UGCG: variants seen among roughly 807,000 people sequenced by gnomAD.
The protein encoded by UGCG is UDP-glucose ceramide glucosyltransferase, also known as ceramide glucosyltransferase.
Under a neutral mutation model 49.5 loss-of-function variants are expected in UGCG, and 10 were observed. The observed-to-expected ratio is 0.20, with a 90% confidence interval of 0.12 to 0.34. UGCG has a LOEUF of 0.34. Ranked by LOEUF, UGCG falls within the 10% of genes least tolerant of loss-of-function variation. UGCG has a pLI of 1.00. For missense variants in UGCG, 312 were observed against 483.7 expected (o/e 0.65, Z 3.33); for synonymous variants, 182 against 158.2 (o/e 1.15, Z -1.13).
At chr9:111,914,149 A>G (rs561046719) in intron 1 of UGCG, among the ~76,000 whole-genome samples, 48 of 152,304 alleles carry the variant, frequency 3.2e-4, no homozygotes, top group African/African-American at 1.1e-3. Flanking sequence ...TTTAAGAGGA[A>G]GAGGAGTTAA....
chr9:111,911,624 G>A (rs532858879), intron 1 of UGCG, among the ~76,000 whole-genome samples: 36 of 151,918 alleles, frequency 2.4e-4, no homozygotes, highest in South Asian at 8.3e-4. Context: ...GGGGCTGAAC[G>A]TGGTGGCTCA....
intron 8 of UGCG, 106 bp downstream of exon 8, chr9:111,932,465 C>A: frequency 8.4e-7 from 1 of 1,194,510 alleles, no homozygotes; most frequent in East Asian, 2.5e-5. Context: ...TTCAGCTTCC[C>A]ATTGTAGGTT....
intron 4 of UGCG, 97 bp downstream of exon 4, chr9:111,924,975 C>G (rs1252474190): frequency 2.6e-5 from 15 of 571,890 alleles, no homozygotes; most frequent in Non-Finnish European, 3.9e-5. Context: ...TTTTATTTGC[C>G]TAAAAGAGTA....
At chr9:111,920,909 T>C (rs993485330) in intron 2 of UGCG, among the ~76,000 whole-genome samples, 4 of 148,326 alleles carry the variant, frequency 2.7e-5, no homozygotes, top group Admixed American at 2.0e-4. Flanking sequence ...GTCGTCGTTT[T>C]GTTTTTTTTT....
chr9:111,897,561 G>A (rs115271113), intron 1 of UGCG, among the ~76,000 whole-genome samples: 318 of 152,320 alleles, frequency 2.1e-3, no homozygotes, highest in African/African-American at 7.2e-3. Flanking sequence ...GGCTAAAGGA[G>A]ACTGCTCTTA....
At chr9:111,910,120 A>G (rs1278964973) in intron 1 of UGCG, among the ~76,000 whole-genome samples, 1 of 152,228 alleles carries the variant, frequency 6.6e-6, no homozygotes, top group African/African-American at 2.4e-5. Context: ...AGGTGTATCT[A>G]ATGATATTTA....
intron 3 of UGCG, among the ~76,000 whole-genome samples, chr9:111,923,529 T>A (rs1351798134): frequency 6.6e-6 from 1 of 152,234 alleles, no homozygotes; most frequent in African/African-American, 2.4e-5. Flanking sequence ...TGCCTACGAA[T>A]TAATCAGGAC....
chr9:111,896,993 G>A lies in UGCG; in HGVS notation c.-223G>A, dbSNP rs1232056606. On this transcript the variant is annotated 5_prime_UTR_variant, in exon 1 of 9. Transcript: ENST00000374279. ...CCGGGAGACCGCAGCACCCGCAGCC[G>A]CCCGCGAGCGCGCCGAAGACAGCGC... is the stretch of plus-strand genomic sequence containing the variant. 1.2e-5 allele frequency: 3 copies of A among 254,148 alleles called. No individual in the cohort carries two copies. Among genetic ancestry groups the A allele is most frequent in the Non-Finnish European group, 2.2e-5 (3 of 136,576 alleles). The allele number at this position is 254,148 out of a possible 1,614,324, so 15.7% of individuals were successfully genotyped here. A position where few individuals can be genotyped will look rare whatever the true frequency, so the allele number is the denominator to read the frequency against.
At chr9:111,930,421 A>G (rs981846117) in intron 6 of UGCG, among the ~76,000 whole-genome samples, 4 of 151,858 alleles carry the variant, frequency 2.6e-5, no homozygotes, top group African/African-American at 9.7e-5. Context: ...TGAAAGATTC[A>G]TATGACTGAC....
chr9:111,929,029 T>C (rs1838373568), intron 5 of UGCG, among the ~76,000 whole-genome samples: 1 of 151,354 alleles, frequency 6.6e-6, no homozygotes, highest in Admixed American at 6.6e-5. Flanking sequence ...AATTAAGAAA[T>C]AGGATTGTGT....
At chr9:111,930,782 T>G (rs1254358130) in intron 6 of UGCG, among the ~76,000 whole-genome samples, 1 of 152,240 alleles carries the variant, frequency 6.6e-6, no homozygotes, top group Non-Finnish European at 1.5e-5. Flanking sequence ...ATACTTGTTT[T>G]TAAAGGAGAT....
intron 1 of UGCG, among the ~76,000 whole-genome samples, chr9:111,898,759 T>C (rs1481374852): frequency 6.6e-6 from 1 of 152,186 alleles, no homozygotes; most frequent in East Asian, 1.9e-4. Flanking sequence ...CTACATTACC[T>C]TGTTAACCTT....
chr9:111,900,844 G>A lies in UGCG; in HGVS notation c.98+3531G>A, dbSNP rs181137542. 1.1e-4 allele frequency among the ~76,000 whole-genome samples: 17 copies of A among 152,072 alleles called. No homozygotes were observed. The East Asian group carries it at 2.9e-3, about 26-fold the overall frequency. On this transcript the variant is annotated intron_variant, in intron 1 of 8. Coordinates refer to ENST00000374279, the MANE Select transcript of UGCG (RefSeq NM_003358.3). The stretch of plus-strand genomic sequence containing the variant: ...AAAGTTAATTCTGCTTTCTACAAAC[G>A]TATTTCCTTTATTTTGTTTATTGTT...
intron 2 of UGCG, among the ~76,000 whole-genome samples, chr9:111,919,794 C>CAAAAA (rs61089422): frequency 1.3e-5 from 1 of 76,328 alleles, no homozygotes; most frequent in Non-Finnish European, 2.7e-5. Context: ...GACTCCATCT[C>CAAAAA]AAAAAAAAAA....
At chr9:111,902,240 G>A (rs1257835916) in intron 1 of UGCG, among the ~76,000 whole-genome samples, 1 of 152,146 alleles carries the variant, frequency 6.6e-6, no homozygotes, top group Non-Finnish European at 1.5e-5. Flanking sequence ...CTATGGTGGT[G>A]GAATCTTCTA....
chr9:111,897,785 T>C (rs189960449), intron 1 of UGCG, among the ~76,000 whole-genome samples: 6 of 152,052 alleles, frequency 3.9e-5, no homozygotes, highest in East Asian at 3.9e-4. Context: ...CTCTATGCGC[T>C]TAGATAGGTG....
chr9:111,918,892 T>G (rs1475825652), intron 2 of UGCG, among the ~76,000 whole-genome samples: 2 of 135,744 alleles, frequency 1.5e-5, no homozygotes, highest in African/African-American at 2.9e-5. Flanking sequence ...GCCACAGCAC[T>G]CCCGCCTGGG....
chr9:111,932,422 G>C, intron 8 of UGCG, 63 bp downstream of exon 8: 1 of 1,476,202 alleles, frequency 6.8e-7, no homozygotes, highest in Non-Finnish European at 9.2e-7. Flanking sequence ...TTTCAATTTA[G>C]AAAAAGTTGA....
At chr9:111,917,212 CTT>C (rs1471256934) in intron 2 of UGCG, among the ~76,000 whole-genome samples, 3 of 152,058 alleles carry the variant, frequency 2.0e-5, no homozygotes, top group Admixed American at 6.5e-5. Context: ...TAATTATAAA[CTT>C]ATATTTAGCT....
Sources: gnomAD v4.1 joint callset for allele counts (sites outside exome capture counted in the v4.1 genomes callset) on GRCh38, gnomAD v4.1.1 for gene constraint, MANE v1.5 for transcripts, NCBI Gene and HGNC (gene_info 2026-07-23, HGNC 2026-07-21) for gene names.